ZNFX1: variants seen among roughly 807,000 people sequenced by gnomAD.
ZNFX1 encodes zinc finger NFX1-type containing 1.
ZNFX1 carries 78 observed loss-of-function variants against 179.8 expected under a neutral mutation model. The ratio of observed to expected loss-of-function variants is 0.43; its 90% CI spans 0.36 to 0.52. The LOEUF (loss-of-function observed/expected upper bound fraction) is 0.52, where lower values mean the gene tolerates loss of function less well. ZNFX1 is among the 20% of genes least tolerant of loss of function. The pLI is 0.00. For missense variants in ZNFX1, 1,927 were observed against 2,386.6 expected (o/e 0.81, Z 4.01); for synonymous variants, 848 against 868.5 (o/e 0.98, Z 0.42).
Position 49,270,849 on chromosome 20 carries a change from T to C in ZNFX1, c.963A>G (p.Leu321=). 6.2e-7 allele frequency: 1 copy of C among 1,614,194 alleles called. No homozygotes were observed. Among genetic ancestry groups the C allele is most frequent in the Non-Finnish European group, 8.5e-7 (1 of 1,180,026 alleles). ...CATGGTCTTCTGCCTCAGGCTGCAC[T>C]AGAGTGTAGGTATCCACTCTCAAAG... ...EGTLRVDTYT[L]VQPEAEDHVE... is the part of the protein sequence containing the mutation. The change falls in exon 3 of 14, where the codon CTA becomes CTG. Residue 321 remains leucine (L), a synonymous_variant. Transcript: ENST00000396105. The surrounding 1 kb of genome is among the most constrained non-coding windows in gnomAD (Gnocchi z 4.6).
intron 2 of ZNFX1, among the ~76,000 whole-genome samples, chr20:49,275,210 TC>T (rs1981526982): frequency 1.3e-5 from 2 of 152,212 alleles, no homozygotes; most frequent in African/African-American, 4.8e-5. Context: ...AAACGTCATT[TC>T]CCTTTCTGAA....
At chr20:49,256,080 C>G (rs1418056468) in intron 8 of ZNFX1, 133 bp from the exon 9 acceptor site, 3 of 1,143,876 alleles carry the variant, frequency 2.6e-6, no homozygotes, top group Non-Finnish European at 3.6e-6. Context: ...TACATTCTCC[C>G]AACAGCTCTT....
Position 49,246,102 on chromosome 20 carries a change from G to C in ZNFX1, c.*1165C>G, listed in dbSNP as rs1061510. On this transcript the variant is annotated 3_prime_UTR_variant, in exon 14 of 14. Coordinates refer to ENST00000396105, the MANE Select transcript of ZNFX1 (RefSeq NM_021035.3). ...TTCTGGCCTGGGTTTGGAGCCTGCA[G>C]AAGCTGCTGGCATGCTAGCTCTACC... 1 of 152,334 alleles carries C rather than the reference G, an allele frequency of 6.6e-6. No individual in the cohort carries two copies. The highest frequency in any genetic ancestry group is 2.4e-5 in the African/African-American group (1 of 41,454). 9.4% of individuals were successfully genotyped at this position (152,334 alleles called of 1,614,324 possible). A position where few individuals can be genotyped will look rare whatever the true frequency, so the allele number is the denominator to read the frequency against.
intron 9 of ZNFX1, 67 bp downstream of exon 9, chr20:49,255,741 G>T (rs1980954204): frequency 2.6e-6 from 4 of 1,520,420 alleles, no homozygotes; most frequent in African/African-American, 1.4e-5. Flanking sequence ...GGTCTTGGAG[G>T]TGGAGAATGT....
intron 2 of ZNFX1, among the ~76,000 whole-genome samples, chr20:49,273,374 C>T (rs967401992): frequency 1.5e-4 from 23 of 151,826 alleles, no homozygotes; most frequent in Admixed American, 5.9e-4. Context: ...CCTCGTGATC[C>T]GCCTGCCTCG....
rs1166338297 is a variant in ZNFX1 at position 49,270,685 on chromosome 20, A to G, written c.1127T>C (p.Leu376Pro). 1 of 1,614,222 alleles carries G rather than the reference A, an allele frequency of 6.2e-7. No individual in the cohort carries two copies. The highest frequency in any genetic ancestry group is 8.5e-7 in the Non-Finnish European group (1 of 1,180,042). Residue 376 changes from leucine (L) to proline (P), a missense_variant, in exon 3 of 14, where the codon CTG (leucine) becomes CCG (proline). Physicochemically the swap from Leu to Pro is moderately conservative, Grantham distance 98. Transcript: ENST00000396105. The surrounding 1 kb of genome is among the most constrained non-coding windows in gnomAD (Gnocchi z 4.6). ...AIYLDTHFRL[L>P]REDFVRPLRE... ...TAAAGGTCTGACGAAATCTTCTCGCAGGAGCCGGAAGTGGGTATCCAGATA... is the reference window on the plus strand; with the variant it reads ...TAAAGGTCTGACGAAATCTTCTCGCGGGAGCCGGAAGTGGGTATCCAGATA...
At chr20:49,251,483 G>A (rs1980835413) in intron 13 of ZNFX1, 44 bp downstream of exon 13, 2 of 1,566,202 alleles carry the variant, frequency 1.3e-6, no homozygotes, top group Admixed American at 1.8e-5. Context: ...AGCCTTTTTA[G>A]GTTGCTGACA....
intron 2 of ZNFX1, among the ~76,000 whole-genome samples, chr20:49,273,455 A>G (rs1177349286): frequency 6.6e-6 from 1 of 152,184 alleles, no homozygotes; most frequent in African/African-American, 2.4e-5. Flanking sequence ...GACAACATAA[A>G]GGAATATTTG....
intron 5 of ZNFX1, among the ~76,000 whole-genome samples, chr20:49,264,507 G>A (rs563788318): frequency 1.8e-4 from 27 of 152,248 alleles, no homozygotes; most frequent in Admixed American, 4.6e-4. Context: ...GTGGGGATGG[G>A]CAGTGTTTCC....
In ZNFX1 at chr20:49,249,694, A is replaced by C; in HGVS notation, c.3330T>G (p.Leu1110=). ...YEKIKGVSSN[L]FFVEHNFPEQ... is the part of the protein sequence containing the mutation. The stretch of plus-strand genomic sequence containing the variant: ...CAGGAAAGTTGTGTTCTACAAAGAA[A>C]AGGTTGGAAGACACCCCCTGACAGG... The change falls in exon 14 of 14, where the codon CTT becomes CTG. Residue 1110 remains leucine, a synonymous_variant. Transcript: ENST00000396105. The C allele has an allele frequency of 6.2e-7, 1 of 1,611,314 alleles. No individual in the cohort carries two copies.
chr20:49,264,490 A>T (rs976114296), intron 5 of ZNFX1, among the ~76,000 whole-genome samples: 2 of 152,120 alleles, frequency 1.3e-5, no homozygotes, highest in African/African-American at 2.4e-5. Flanking sequence ...AGGAGCGTTA[A>T]GGTAGGGTGG....
At chr20:49,273,341 C>A (rs1360516674) in intron 2 of ZNFX1, among the ~76,000 whole-genome samples, 1 of 151,950 alleles carries the variant, frequency 6.6e-6, no homozygotes, top group African/African-American at 2.4e-5. Flanking sequence ...ACCATGTTAG[C>A]CTCGATGGTC....
rs775739321 is a variant in ZNFX1 at position 49,257,605 on chromosome 20, C to T, written c.2476G>A (p.Ala826Thr). 30 of 1,613,864 alleles carry T rather than the reference C, an allele frequency of 1.9e-5. No individual in the cohort carries two copies. Among genetic ancestry groups the T allele is most frequent in the Non-Finnish European group, 2.4e-5 (28 of 1,180,016 alleles). Residue 826 changes from alanine (A) to threonine (T), a missense_variant, in exon 8 of 14, where the codon GCA (alanine) becomes ACA (threonine). Coordinates refer to ENST00000396105, the MANE Select transcript of ZNFX1 (RefSeq NM_021035.3). ...GEEESSLIEI[A>T]EEADLIQADR... ...GCTTGAATCAGGTCAGCTTCCTCTG[C>T]GATCTCTATCAGCGAACTCTCCTCC...
In ZNFX1 at chr20:49,263,400, C is replaced by CTG; in HGVS notation, c.2234_2235insCA (p.Glu746ArgfsTer18). 7 of 1,613,862 alleles carry CTG rather than the reference C, an allele frequency of 4.3e-6. No individual in the cohort carries two copies. The highest frequency in any genetic ancestry group is 5.9e-6 in the Non-Finnish European group (7 of 1,179,950). On this transcript the variant is annotated frameshift_variant, in exon 6 of 14. Coordinates refer to ENST00000396105, the MANE Select transcript of ZNFX1 (RefSeq NM_021035.3). LOFTEE classifies it high-confidence loss of function. ...AGATGTACTTCTGCAGGTACTGTTCCCGTAGGACACCACGCATGGTGCACT... is the reference window on the plus strand; with the variant it reads ...AGATGTACTTCTGCAGGTACTGTTCCTGCGTAGGACACCACGCATGGTGCACT...
At chr20:49,263,624 C>T (rs1489443407) in intron 5 of ZNFX1, 141 bp from the exon 6 acceptor site, 1 of 1,028,984 alleles carries the variant, frequency 9.7e-7, no homozygotes, top group Non-Finnish European at 1.4e-6. Flanking sequence ...AAACCAATTT[C>T]CCAAGGCACA....
rs757576589 is a variant in ZNFX1, at chr20:49,264,707, G to A, written c.2151+9C>T. 57 of 1,613,176 alleles carry A rather than the reference G, an allele frequency of 3.5e-5. No homozygotes were observed. The highest frequency in any genetic ancestry group is 4.6e-5 in the Non-Finnish European group (54 of 1,179,830). On this transcript the variant is annotated intron_variant, in intron 5 of 13. Coordinates refer to ENST00000396105, the MANE Select transcript of ZNFX1 (RefSeq NM_021035.3). ...GAACTACCCCAGATATTTCAGAGCTGGGACTTACACTCATGTAGGCCCTTC... is the reference window on the plus strand; with the variant it reads ...GAACTACCCCAGATATTTCAGAGCTAGGACTTACACTCATGTAGGCCCTTC...
In ZNFX1 at chr20:49,270,653, C is replaced by T. The variant is rs1219552985; in HGVS notation, c.1159G>A (p.Gly387Ser). The T allele has an allele frequency of 6.2e-7, 1 of 1,614,156 alleles. No individual in the cohort carries two copies. The highest frequency in any genetic ancestry group is 8.5e-7 in the Non-Finnish European group (1 of 1,180,022). The change falls in exon 3 of 14, where the codon GGT (glycine) becomes AGT (serine). Residue 387 changes from glycine to serine, a missense_variant. By Grantham distance (56) the Gly-to-Ser change is moderately conservative (BLOSUM62 0). Transcript: ENST00000396105. This position sits in a 1 kb window ranked among gnomAD's most constrained non-coding sequence, Gnocchi z 4.6. ...AAGCTTTGGAGAAGTTCCAAAATAC[C>T]TTCCCGTAAAGGTCTGACGAAATCT... Reference protein sequence around the residue: ...REDFVRPLREGILELLQSFED... With the variant: ...REDFVRPLRESILELLQSFED...
At chr20:49,264,918 C>T (rs1309601841) in intron 4 of ZNFX1, 54 bp from the exon 5 acceptor site, 14 of 1,612,602 alleles carry the variant, frequency 8.7e-6, no homozygotes, top group Non-Finnish European at 1.2e-5. Context: ...GCTAGGTTCT[C>T]TCAGGTGAGA....
In ZNFX1 at chr20:49,252,662, C is replaced by T; in HGVS notation, c.3216+58G>A. ...TGAGACCTCTTTTGCTGGCAACTGG[C>T]AGCTTCCCAGGAGCTTTCTCCTGGG... On this transcript the variant is annotated intron_variant, in intron 12 of 13. Coordinates refer to ENST00000396105, the MANE Select transcript of ZNFX1 (RefSeq NM_021035.3). 2.3e-6 allele frequency: 3 copies of T among 1,309,108 alleles called. No individual in the cohort carries two copies. In the South Asian group the frequency reaches 3.6e-5, roughly 16 times the overall value. 81.1% of individuals were successfully genotyped at this position (1,309,108 alleles called of 1,614,324 possible). A position where few individuals can be genotyped will look rare whatever the true frequency, so the allele number is the denominator to read the frequency against.
Sources: allele counts gnomAD v4.1 joint callset (sites outside exome capture counted in the v4.1 genomes callset), GRCh38; gene constraint gnomAD v4.1.1; non-coding constraint Gnocchi (gnomAD v3.1); transcripts MANE v1.5; gene names NCBI Gene and HGNC (gene_info 2026-07-23, HGNC 2026-07-21).